The following SMAD3 variants were observed in gnomAD, a reference collection of about 807,000 sequenced individuals.
SMAD3 encodes SMAD family member 3.
A neutral mutation model predicts 51.8 loss-of-function variants in SMAD3; 12 were observed. The ratio of observed to expected loss-of-function variants is 0.23; its 90% CI spans 0.15 to 0.38. SMAD3 has a LOEUF of 0.38. Ranked by LOEUF, SMAD3 falls within the 10% of genes least tolerant of loss-of-function variation. The probability of loss-of-function intolerance (pLI) is 1.00; values close to 1 mark genes in which losing one functional copy is unlikely to be tolerated. For synonymous variants in SMAD3, 238 were observed against 227.7 expected (o/e 1.05, Z -0.41); for missense variants, 294 against 565.6 (o/e 0.52, Z 4.87).
At chr15:67,173,271 G>A (rs1962802279) in intron 5 of SMAD3, among the ~76,000 whole-genome samples, 1 of 152,130 alleles carries the variant, frequency 6.6e-6, no homozygotes, top group Non-Finnish European at 1.5e-5. Context: ...GAGGGGGGCA[G>A]CTGGAGGTGT....
intron 1 of SMAD3, among the ~76,000 whole-genome samples, chr15:67,114,057 C>T (rs1188789225): frequency 1.3e-5 from 2 of 152,180 alleles, no homozygotes; most frequent in South Asian, 2.1e-4. Flanking sequence ...TGTTTTCTTG[C>T]ATCATGCTTC....
chr15:67,144,596 G>A (rs1381508211), intron 1 of SMAD3, among the ~76,000 whole-genome samples: 1 of 152,190 alleles, frequency 6.6e-6, no homozygotes, highest in African/African-American at 2.4e-5. Flanking sequence ...GTGCTTGTAG[G>A]GCACAGAAGA....
Position 67,181,440 on chromosome 15 carries a change from A to G in SMAD3, c.858A>G (p.Thr286=). The change falls in exon 6 of 9, where the codon ACA becomes ACG. Residue 286 remains threonine, a synonymous_variant. Transcript: ENST00000327367. ...NVNRNAAVEL[T]RRHIGRGVRL... ...ACAGGAATGCAGCAGTGGAGCTGAC[A>G]CGGAGACACATCGGTATGGGGTGGC... is the stretch of plus-strand genomic sequence containing the variant. 1.9e-6 allele frequency: 3 copies of G among 1,613,204 alleles called. No individual in the cohort carries two copies. In the East Asian group the frequency reaches 6.7e-5, roughly 36 times the overall value.
rs965576746 is a variant in SMAD3, at chr15:67,169,466, G to T, written c.608-1088G>T. ...CATGGGGTGGAATTAGACCCCATAG[G>T]GTGGTTAACAAATAGTCTCCTTTTT... On this transcript the variant is annotated intron_variant, in intron 4 of 8. Transcript: ENST00000327367. Among the ~76,000 whole-genome samples the T allele has an allele frequency of 9.9e-5, 15 of 152,082 alleles. No individual in the cohort carries two copies. The East Asian group carries it at 2.7e-3, about 27-fold the overall frequency.
At chr15:67,184,567 C>T (rs1279354208) in intron 6 of SMAD3, among the ~76,000 whole-genome samples, 160 bp from the exon 7 acceptor site, 4 of 152,194 alleles carry the variant, frequency 2.6e-5, no homozygotes, top group African/African-American at 9.7e-5. Context: ...TGCCCATTTC[C>T]CCTACTTTAG....
At chr15:67,173,848 T>C (rs1962816945) in intron 5 of SMAD3, among the ~76,000 whole-genome samples, 1 of 152,138 alleles carries the variant, frequency 6.6e-6, no homozygotes, top group African/African-American at 2.4e-5. Context: ...GAGGGAATCA[T>C]GGGCCTGAAT....
rs1243692313 is a variant in SMAD3 at position 67,066,315 on chromosome 15, C to T, written c.161C>T (p.Ala54Val). Reference sequence around the variant, plus strand: ...GGGCAGCTGGACGAGCTGGAGAAGGCCATCACCACGCAGAACGTCAACACC... The same window carrying T: ...GGGCAGCTGGACGAGCTGGAGAAGGTCATCACCACGCAGAACGTCAACACC... ...KTGQLDELEK[A>V]ITTQNVNTKC... The change falls in exon 1 of 9, where the codon GCC becomes GTC. Residue 54 changes from alanine (A) to valine (V), a missense_variant. This residue lies in a region of SMAD3 where 147 missense variants were observed against 260.9 expected (regional missense o/e 0.56). Transcript: ENST00000327367. The T allele has an allele frequency of 6.2e-7, 1 of 1,613,594 alleles. No homozygotes were observed. The highest frequency in any genetic ancestry group is 8.5e-7 in the Non-Finnish European group (1 of 1,179,814).
At chr15:67,175,753 G>A (rs1319231626) in intron 5 of SMAD3, among the ~76,000 whole-genome samples, 1 of 152,212 alleles carries the variant, frequency 6.6e-6, no homozygotes, top group African/African-American at 2.4e-5. Context: ...TGTGAGCACA[G>A]GTGTGGTGGC....
At chr15:67,164,316 GAAA>G (rs59880604) in intron 1 of SMAD3, among the ~76,000 whole-genome samples, 5 of 83,668 alleles carry the variant, frequency 6.0e-5, no homozygotes, top group African/African-American at 2.3e-4. Context: ...CTCCGTCTCA[GAAA>G]AAAAAAAAAA....
chr15:67,130,459 G>A lies in SMAD3; in HGVS notation c.207-34436G>A, dbSNP rs576381651. ...GAGCTCCGCCTCCTGTCAGATAAGC[G>A]GCTGCATTAGATTCTCATAGGAGCG... On this transcript the variant is annotated intron_variant, in intron 1 of 8. Transcript: ENST00000327367. 2.0e-4 allele frequency among the ~76,000 whole-genome samples: 30 copies of A among 152,282 alleles called. 1 individual carries two copies. In the South Asian group the frequency reaches 5.2e-3, roughly 26 times the overall value.
At chr15:67,184,628 C>T in intron 6 of SMAD3, 99 bp from the exon 7 acceptor site, 1 of 1,443,218 alleles carries the variant, frequency 6.9e-7, no homozygotes, top group Non-Finnish European at 9.7e-7. Flanking sequence ...TCACTGGGAG[C>T]AGCTCTGCTG....
At chr15:67,088,984 G>A (rs1960454884) in intron 1 of SMAD3, among the ~76,000 whole-genome samples, 1 of 152,160 alleles carries the variant, frequency 6.6e-6, no homozygotes, top group African/African-American at 2.4e-5. Flanking sequence ...AGAGACCTTT[G>A]TCAGGGTGAC....
chr15:67,098,619 G>T (rs1025018869), intron 1 of SMAD3: 23 of 514,648 alleles, frequency 4.5e-5, no homozygotes, highest in Non-Finnish European at 7.1e-5. Context: ...TTGAGGCCCA[G>T]ATCTGCTTAT....
At chr15:67,166,570 G>A in intron 3 of SMAD3, 1 of 637,272 alleles carries the variant, frequency 1.6e-6, no homozygotes, top group Non-Finnish European at 2.8e-6. Flanking sequence ...TCCTGCGTGA[G>A]CAAAGGCAGT....
In SMAD3 at chr15:67,103,889, T is replaced by A. The variant is rs534142520; in HGVS notation, c.206+37529T>A. 1.7e-4 allele frequency among the ~76,000 whole-genome samples: 26 copies of A among 152,288 alleles called. No individual in the cohort carries two copies. The South Asian group carries it at 5.4e-3, about 32-fold the overall frequency. Reference sequence around the variant, plus strand: ...GCCATAAACACTTACTTGGATTGATTAGAGAGGCTATTTGCCGTATTGAAG... The same window carrying A: ...GCCATAAACACTTACTTGGATTGATAAGAGAGGCTATTTGCCGTATTGAAG... On this transcript the variant is annotated intron_variant, in intron 1 of 8. Transcript: ENST00000327367.
chr15:67,144,050 T>C (rs994016127), intron 1 of SMAD3, among the ~76,000 whole-genome samples: 2 of 152,116 alleles, frequency 1.3e-5, no homozygotes, highest in African/African-American at 2.4e-5. Context: ...TTTGATGAGT[T>C]TGATATTTGT....
Position 67,112,859 on chromosome 15 carries a change from G to C in SMAD3, c.206+46499G>C, listed in dbSNP as rs537793715. Among the ~76,000 whole-genome samples, 36 of 130,398 alleles carry C rather than the reference G, an allele frequency of 2.8e-4. 7 individuals carry two copies. In the South Asian group the frequency reaches 9.6e-3, roughly 35 times the overall value. The allele number at this position is 130,398 out of a possible 152,430, so 85.5% of individuals were successfully genotyped here. A position where few individuals can be genotyped will look rare whatever the true frequency, so the allele number is the denominator to read the frequency against. On this transcript the variant is annotated intron_variant, in intron 1 of 8. Coordinates refer to ENST00000327367, the MANE Select transcript of SMAD3 (RefSeq NM_005902.4). Reference sequence around the variant, plus strand: ...GGTTCAACTTCATTCTTTTGCATGTGAATATCCAGATGTCCATGCACTGTT... The same window carrying C: ...GGTTCAACTTCATTCTTTTGCATGTCAATATCCAGATGTCCATGCACTGTT...
chr15:67,069,123 A>G (rs934607089), intron 1 of SMAD3, among the ~76,000 whole-genome samples: 1 of 152,212 alleles, frequency 6.6e-6, no homozygotes, highest in African/African-American at 2.4e-5. Context: ...AGAGCTGTAT[A>G]CTAGGGACTT....
chr15:67,186,420 G>C (rs1963223307), intron 7 of SMAD3, among the ~76,000 whole-genome samples: 1 of 152,214 alleles, frequency 6.6e-6, no homozygotes, highest in South Asian at 2.1e-4. Context: ...GTCAGAGCTG[G>C]AAGGACCTCT....
Sources: gnomAD v4.1 joint callset for allele counts (sites outside exome capture counted in the v4.1 genomes callset) on GRCh38, gnomAD v4.1.1 for gene constraint, gnomAD v4.1.1 regional missense constraint, MANE v1.5 for transcripts, NCBI Gene and HGNC (gene_info 2026-07-23, HGNC 2026-07-21) for gene names.